The following SDK2 variants were observed in gnomAD, a reference collection of about 807,000 sequenced individuals.
SDK2 encodes the protein sidekick cell adhesion molecule 2, also known as protein sidekick-2.
SDK2 carries 105 observed loss-of-function variants against 253.9 expected under a neutral mutation model. The observed-to-expected ratio is 0.41, with a 90% CI of 0.35 to 0.49. SDK2 has a LOEUF of 0.49. Among genes scored for constraint, SDK2 ranks in the 20% least tolerant of loss-of-function variants. The pLI, the probability that SDK2 is intolerant of heterozygous loss-of-function variation, is 0.06. For missense variants in SDK2, 2,608 were observed against 3,003.0 expected (o/e 0.87, Z 3.07); for synonymous variants, 1,249 against 1,234.9 (o/e 1.01, Z -0.24).
At chr17:73,437,715 C>T (rs369849112) in intron 8 of SDK2, 24 bp downstream of exon 8, 2 of 1,594,696 alleles carry the variant, frequency 1.3e-6, no homozygotes, top group East Asian at 2.2e-5. Flanking sequence ...TCTTTGTCCC[C>T]CTCCAGCGGT....
At chr17:73,572,192 A>T (rs1424273526) in intron 1 of SDK2, among the ~76,000 whole-genome samples, 1 of 152,126 alleles carries the variant, frequency 6.6e-6, no homozygotes, top group Non-Finnish European at 1.5e-5. Context: ...GTCCCAAGAG[A>T]TATAACAGAG....
intron 1 of SDK2, among the ~76,000 whole-genome samples, chr17:73,610,751 G>T (rs2045963408): frequency 6.6e-6 from 1 of 152,158 alleles, no homozygotes; most frequent in African/African-American, 2.4e-5. Context: ...GGGTGTGTGA[G>T]CATATGTATC....
Position 73,612,360 on chromosome 17 carries a change from T to G in SDK2, c.64+31665A>C, listed in dbSNP as rs1264297420. 6.7e-6 allele frequency among the ~76,000 whole-genome samples: 1 copy of G among 149,240 alleles called. No homozygotes were observed. The highest frequency in any genetic ancestry group is 2.0e-4 in the East Asian group (1 of 4,998). ...ACCCAGCTGCACCTGGGCTGCAGGC[T>G]GGCCCCGCACAGTCCCCACCCTCAC... On this transcript the variant is annotated intron_variant, in intron 1 of 44. Coordinates refer to ENST00000392650, the MANE Select transcript of SDK2 (RefSeq NM_001144952.2). This position sits in a 1 kb window ranked among gnomAD's most constrained non-coding sequence, Gnocchi z 4.4.
At chr17:73,423,783 G>A in intron 13 of SDK2, 133 bp downstream of exon 13, 1 of 830,762 alleles carries the variant, frequency 1.2e-6, no homozygotes, top group East Asian at 2.7e-5. Context: ...CTGGGGGTAT[G>A]TCCTGAGCAA....
intron 3 of SDK2, among the ~76,000 whole-genome samples, chr17:73,458,651 C>T (rs907139367): frequency 2.0e-5 from 3 of 152,204 alleles, no homozygotes; most frequent in Admixed American, 1.3e-4. Flanking sequence ...TTGGGCATTT[C>T]TCCAAGGAGG....
intron 16 of SDK2, among the ~76,000 whole-genome samples, chr17:73,418,010 GTTTTTTT>G (rs397689294): frequency 1.6e-5 from 2 of 128,258 alleles, no homozygotes; most frequent in Admixed American, 9.0e-5. Flanking sequence ...TCCTAGATGA[GTTTTTTT>G]TTTTTTTTTT....
At chr17:73,543,473 C>G (rs878878398) in intron 1 of SDK2, among the ~76,000 whole-genome samples, 1 of 152,216 alleles carries the variant, frequency 6.6e-6, no homozygotes, top group South Asian at 2.1e-4. Flanking sequence ...TCTATGTAAG[C>G]GACAGCCCAA....
chr17:73,579,015 C>A (rs1270158108), intron 1 of SDK2, among the ~76,000 whole-genome samples: 1 of 152,090 alleles, frequency 6.6e-6, no homozygotes, highest in African/African-American at 2.4e-5. Flanking sequence ...CCTTGTCGGC[C>A]GGGTCAGGGA....
intron 44 of SDK2, 96 bp downstream of exon 44, chr17:73,348,503 T>G: frequency 7.0e-7 from 1 of 1,424,722 alleles, no homozygotes; most frequent in Non-Finnish European, 9.4e-7. Context: ...TGCTGCCCCT[T>G]GAAGGAAAGG....
chr17:73,542,706 G>A lies in SDK2; in HGVS notation c.65-35109C>T, dbSNP rs149686946. On this transcript the variant is annotated intron_variant, in intron 1 of 44. Coordinates refer to ENST00000392650, the MANE Select transcript of SDK2 (RefSeq NM_001144952.2). The stretch of plus-strand genomic sequence containing the variant: ...CAGTAGTGGAGGGGTCTTGGGATTC[G>A]GGGCCTCTAGCAGGGCCAGGCTGGG... Among the ~76,000 whole-genome samples, 564 of 152,268 alleles carry A rather than the reference G, an allele frequency of 3.7e-3. 3 individuals are homozygous for A. The highest frequency in any genetic ancestry group is 0.013 in the African/African-American group (540 of 41,550).
rs145884780 is a variant in SDK2 at position 73,361,727 on chromosome 17, G to A, written c.5424C>T (p.Tyr1808=). The part of the protein sequence containing the change: ...RFRIRAKTFT[Y]GPEIEANVTT... The stretch of plus-strand genomic sequence containing the variant: ...TGACGTTGGCTTCGATCTCCGGCCC[G>A]TAGGTGAAGGTCTTGGCTCTGATGC... Residue 1808 remains tyrosine (Y), a synonymous_variant, in exon 39 of 45, where the codon TAC becomes TAT. Transcript: ENST00000392650. The surrounding 1 kb of genome is among the most constrained non-coding windows in gnomAD (Gnocchi z 4.1). 537 of 1,612,706 alleles carry A rather than the reference G, an allele frequency of 3.3e-4. No individual in the cohort carries two copies. The highest frequency in any genetic ancestry group is 4.0e-4 in the Non-Finnish European group (474 of 1,178,950).
chr17:73,593,387 C>T (rs958525826), intron 1 of SDK2, among the ~76,000 whole-genome samples: 3 of 152,222 alleles, frequency 2.0e-5, no homozygotes, highest in Non-Finnish European at 2.9e-5. Flanking sequence ...GAGCATCCTT[C>T]CTCCTCATTG....
chr17:73,532,919 G>A (rs764536875), intron 1 of SDK2, among the ~76,000 whole-genome samples: 5 of 152,152 alleles, frequency 3.3e-5, no homozygotes, highest in African/African-American at 9.7e-5. Flanking sequence ...TGTGGCCCTC[G>A]GCACAGCGGT....
intron 1 of SDK2, among the ~76,000 whole-genome samples, chr17:73,563,065 G>A (rs988271916): frequency 6.6e-6 from 1 of 152,302 alleles, no homozygotes; most frequent in East Asian, 1.9e-4. Flanking sequence ...ACTGCCTGCC[G>A]CCCCACCCTG....
chr17:73,342,861 G>A (rs1045710644), intron 44 of SDK2, among the ~76,000 whole-genome samples: 2 of 146,736 alleles, frequency 1.4e-5, no homozygotes, highest in Non-Finnish European at 3.0e-5. Context: ...ACCCAGGAGA[G>A]AATGCTGTAA....
chr17:73,637,848 C>T (rs1423712375), intron 1 of SDK2, among the ~76,000 whole-genome samples: 1 of 152,246 alleles, frequency 6.6e-6, no homozygotes, highest in Non-Finnish European at 1.5e-5. Context: ...GCTGATGGGG[C>T]TTCAGCAGAG....
Position 73,335,038 on chromosome 17 carries a change from T to C in SDK2, c.*3549A>G, listed in dbSNP as rs1384868398. On this transcript the variant is annotated 3_prime_UTR_variant, in exon 45 of 45. Transcript: ENST00000392650. ...CACCAGGTGGGGGCAGCCCCCGCTG[T>C]GTCCTTGTTTCCTCTAAATCACGGC... The C allele has an allele frequency of 6.6e-6, 1 of 152,082 alleles. No homozygotes were observed. The highest frequency in any genetic ancestry group is 1.5e-5 in the Non-Finnish European group (1 of 68,102). 9.4% of individuals were successfully genotyped at this position (152,082 alleles called of 1,614,324 possible).
At chr17:73,355,174 A>ATATATATATATTTTTTTTTTTTTTTT in intron 40 of SDK2, among the ~76,000 whole-genome samples, 2 of 47,224 alleles carry the variant, frequency 4.2e-5, no homozygotes, top group African/African-American at 1.6e-4. Flanking sequence ...ATATATATAT[A>ATATATATATATTTTTTTTTTTTTTTT]TTTTTTTTTT....
At chr17:73,424,847 G>C (rs1847164483) in intron 12 of SDK2, among the ~76,000 whole-genome samples, 2 of 152,222 alleles carry the variant, frequency 1.3e-5, no homozygotes, top group Non-Finnish European at 2.9e-5. Flanking sequence ...CTGAGCTGCT[G>C]GCTCCCAGGA....
Sources: allele counts gnomAD v4.1 joint callset (sites outside exome capture counted in the v4.1 genomes callset), GRCh38; gene constraint gnomAD v4.1.1; non-coding constraint Gnocchi (gnomAD v3.1); transcripts MANE v1.5; gene names NCBI Gene and HGNC (gene_info 2026-07-23, HGNC 2026-07-21).